Variants in KCNMA1 observed in about 807,000 individuals in gnomAD.
KCNMA1 encodes Calcium-activated potassium channel subunit alpha-1.
In KCNMA1, 29 loss-of-function variants were observed where a neutral mutation model predicts 140.0. The observed-to-expected ratio is 0.21, with a 90% confidence interval of 0.15 to 0.28. The LOEUF (loss-of-function observed/expected upper bound fraction) is 0.28. Ranked by LOEUF, KCNMA1 falls within the 10% of genes least tolerant of loss-of-function variation. KCNMA1 has a pLI of 1.00. For missense variants in KCNMA1, 880 were observed against 1,602.2 expected (o/e 0.55, Z 7.70); for synonymous variants, 612 against 611.9 (o/e 1.00, Z 0.00).
intron 3 of KCNMA1, among the ~76,000 whole-genome samples, chr10:77,225,556 C>T (rs2051063493): frequency 6.6e-6 from 1 of 152,236 alleles, no homozygotes; most frequent in South Asian, 2.1e-4. Flanking sequence ...TCCTCCTCCC[C>T]ACACAGGCCT....
At chr10:77,181,937 C>T (rs2098806186) in intron 5 of KCNMA1, among the ~76,000 whole-genome samples, 3 of 151,998 alleles carry the variant, frequency 2.0e-5, no homozygotes, top group Admixed American at 1.3e-4. Context: ...TATGCATGCA[C>T]ACGTGTATGT....
intron 2 of KCNMA1, among the ~76,000 whole-genome samples, chr10:77,331,855 T>C (rs2086562687): frequency 6.6e-6 from 1 of 152,162 alleles, no homozygotes; most frequent in African/African-American, 2.4e-5. Flanking sequence ...ACCTGTCCCC[T>C]GTCCCAAATT....
intron 1 of KCNMA1, among the ~76,000 whole-genome samples, chr10:77,406,145 G>A (rs2096464879): frequency 1.3e-5 from 2 of 152,192 alleles, no homozygotes; most frequent in African/African-American, 4.8e-5. Flanking sequence ...AAGCCTCCCA[G>A]GCCAGCCTCA....
intron 2 of KCNMA1, among the ~76,000 whole-genome samples, chr10:77,391,339 G>A (rs145427190): frequency 1.2e-4 from 18 of 152,272 alleles, no homozygotes; most frequent in African/African-American, 3.6e-4. Context: ...AGAGGACCCT[G>A]GCTTCCCACC....
intron 23 of KCNMA1, among the ~76,000 whole-genome samples, chr10:76,934,756 C>A (rs922962296): frequency 4.6e-5 from 7 of 152,118 alleles, no homozygotes; most frequent in African/African-American, 7.2e-5. Flanking sequence ...ACAAGACTTC[C>A]TTTACTTCTC....
intron 3 of KCNMA1, among the ~76,000 whole-genome samples, chr10:77,213,000 A>T (rs540803421): frequency 6.6e-6 from 1 of 152,180 alleles, no homozygotes; most frequent in Non-Finnish European, 1.5e-5. Flanking sequence ...TTGCCGACGT[A>T]TGCATAGTTC....
chr10:77,256,138 GA>G (rs758124207), intron 2 of KCNMA1, among the ~76,000 whole-genome samples: 9 of 152,160 alleles, frequency 5.9e-5, no homozygotes, highest in Non-Finnish European at 1.3e-4. Flanking sequence ...AGCACTTCAG[GA>G]AAAAGGCAGA....
chr10:77,144,371 A>T (rs187934425), intron 5 of KCNMA1, among the ~76,000 whole-genome samples: 30 of 152,314 alleles, frequency 2.0e-4, no homozygotes, highest in African/African-American at 6.7e-4. Flanking sequence ...AGCAGACAAG[A>T]CTAATCTATA....
intron 23 of KCNMA1, among the ~76,000 whole-genome samples, chr10:76,915,718 G>A (rs914278303): frequency 1.3e-5 from 2 of 152,100 alleles, no homozygotes; most frequent in African/African-American, 4.8e-5. Context: ...AGTGACTTAG[G>A]CCTCAGTTTT....
chr10:77,136,484 G>T (rs2098031753), intron 5 of KCNMA1, among the ~76,000 whole-genome samples: 1 of 151,784 alleles, frequency 6.6e-6, no homozygotes. Flanking sequence ...TGCAACAATA[G>T]GATATACTTA....
chr10:77,116,552 T>C (rs556628539), intron 6 of KCNMA1, among the ~76,000 whole-genome samples: 1 of 152,100 alleles, frequency 6.6e-6, no homozygotes, highest in Non-Finnish European at 1.5e-5. Context: ...TTGTTTGTTT[T>C]ACTGCTCTCT....
intron 1 of KCNMA1, among the ~76,000 whole-genome samples, chr10:77,551,315 C>A (rs1267807156): frequency 6.6e-6 from 1 of 152,176 alleles, no homozygotes; most frequent in Non-Finnish European, 1.5e-5. Context: ...TTCTGTGTAT[C>A]CAATTTTAAA....
chr10:77,187,722 CT>C (rs1353459753), intron 3 of KCNMA1, among the ~76,000 whole-genome samples: 1 of 152,114 alleles, frequency 6.6e-6, no homozygotes, highest in Non-Finnish European at 1.5e-5. Context: ...GGGCAATGTA[CT>C]TTCTATCCCT....
intron 1 of KCNMA1, chr10:77,636,193 A>G: frequency 7.0e-7 from 1 of 1,423,228 alleles, no homozygotes; most frequent in East Asian, 2.5e-5. Flanking sequence ...CAGCTGGCTC[A>G]CTCTCTTTTT....
chr10:76,898,749 T>C (rs1324227487), intron 25 of KCNMA1, among the ~76,000 whole-genome samples: 1 of 151,840 alleles, frequency 6.6e-6, no homozygotes, highest in East Asian at 1.9e-4. Context: ...TATAAAAATA[T>C]CATGTCTTGA....
At chr10:77,512,868 C>A (rs114036561) in intron 1 of KCNMA1, among the ~76,000 whole-genome samples, 186 of 152,272 alleles carry the variant, frequency 1.2e-3, no homozygotes, top group African/African-American at 4.3e-3. Context: ...AGCCTTAAGT[C>A]CAAGCCACCG....
intron 5 of KCNMA1, among the ~76,000 whole-genome samples, chr10:77,166,668 G>A (rs2098645991): frequency 6.6e-6 from 1 of 151,618 alleles, no homozygotes; most frequent in Non-Finnish European, 1.5e-5. Flanking sequence ...AGGATGAAGA[G>A]GAAGAAGAAA....
At chr10:77,390,688 C>T (rs1456665392) in intron 2 of KCNMA1, among the ~76,000 whole-genome samples, 1 of 152,198 alleles carries the variant, frequency 6.6e-6, no homozygotes, top group Non-Finnish European at 1.5e-5. Flanking sequence ...CAGGCCCTTG[C>T]TCTAGAAACA....
At chr10:77,220,879 C>A (rs557954894) in intron 3 of KCNMA1, among the ~76,000 whole-genome samples, 1 of 152,300 alleles carries the variant, frequency 6.6e-6, no homozygotes, top group African/African-American at 2.4e-5. Context: ...ACTGACCTAA[C>A]CATTAGCAAC....
Sources: gnomAD v4.1 joint callset for allele counts (sites outside exome capture counted in the v4.1 genomes callset) on GRCh38, gnomAD v4.1.1 for gene constraint, MANE v1.5 for transcripts, NCBI Gene and HGNC (gene_info 2026-07-23, HGNC 2026-07-21) for gene names.